Variants in ZCCHC24 observed in about 807,000 individuals in gnomAD.
ZCCHC24 encodes the protein zinc finger CCHC-type containing 24, also known as zinc finger CCHC domain-containing protein 24.
A neutral mutation model predicts 26.2 loss-of-function variants in ZCCHC24; 10 were observed. The ratio of observed to expected loss-of-function variants is 0.38; its 90% CI spans 0.24 to 0.65. ZCCHC24 has a LOEUF of 0.65. ZCCHC24 is among the 30% of genes least tolerant of loss of function. ZCCHC24 has a pLI of 0.54. For synonymous variants in ZCCHC24, 144 were observed against 147.1 expected (o/e 0.98, Z 0.15); for missense variants, 243 against 329.1 (o/e 0.74, Z 2.03).
At chr10:79,432,264 GGAGA>G (rs2132218058) in intron 2 of ZCCHC24, among the ~76,000 whole-genome samples, 2 of 152,372 alleles carry the variant, frequency 1.3e-5, no homozygotes, top group South Asian at 4.1e-4. Flanking sequence ...AAAGACTGGT[GGAGA>G]CCCAAAGGCA....
chr10:79,385,929 G>C lies in ZCCHC24; in HGVS notation c.*416C>G. The C allele has an allele frequency of 2.4e-6, 1 of 412,692 alleles. No individual in the cohort carries two copies. The highest frequency in any genetic ancestry group is 4.3e-6 in the Non-Finnish European group (1 of 232,116). 25.6% of individuals were successfully genotyped at this position (412,692 alleles called of 1,614,324 possible). A position where few individuals can be genotyped will look rare whatever the true frequency, so the allele number is the denominator to read the frequency against. On this transcript the variant is annotated 3_prime_UTR_variant, in exon 4 of 4. Transcript: ENST00000372336. The surrounding 1 kb of genome is among the most constrained non-coding windows in gnomAD (Gnocchi z 4.3). ...CAGGGCAAACCGGAAGGTTCTGGGT[G>C]GGGGCAGGCGGCCTGGCTGGTCTGG...
intron 2 of ZCCHC24, among the ~76,000 whole-genome samples, chr10:79,397,902 C>G (rs1856568641): frequency 6.6e-6 from 1 of 152,130 alleles, no homozygotes; most frequent in African/African-American, 2.4e-5. Context: ...CCCAGAGCCC[C>G]TGCTTCAGAA....
At chr10:79,441,079 A>AACAC (rs55762333) in intron 1 of ZCCHC24, among the ~76,000 whole-genome samples, 21,790 of 135,490 alleles carry the variant, frequency 0.16, 1,747 homozygotes, top group East Asian at 0.2. Context: ...CTGCCCCCTA[A>AACAC]ACACACACAC....
chr10:79,431,983 C>T (rs1273050116), intron 2 of ZCCHC24, among the ~76,000 whole-genome samples: 1 of 152,166 alleles, frequency 6.6e-6, no homozygotes, highest in Non-Finnish European at 1.5e-5. Context: ...TCGATCTGCC[C>T]GACCCTCCCT....
chr10:79,438,454 A>T (rs1857248407), intron 1 of ZCCHC24, among the ~76,000 whole-genome samples: 1 of 152,182 alleles, frequency 6.6e-6, no homozygotes, highest in Non-Finnish European at 1.5e-5. Flanking sequence ...CAATGGGAAA[A>T]CATGGCCACA....
chr10:79,417,042 A>G (rs1856872328), intron 2 of ZCCHC24, among the ~76,000 whole-genome samples: 1 of 152,230 alleles, frequency 6.6e-6, no homozygotes, highest in African/African-American at 2.4e-5. Flanking sequence ...CTGAGCACTC[A>G]CTATGTGCCA....
chr10:79,401,573 G>C (rs1290312207), intron 2 of ZCCHC24, among the ~76,000 whole-genome samples: 1 of 152,220 alleles, frequency 6.6e-6, no homozygotes, highest in Non-Finnish European at 1.5e-5. Flanking sequence ...AGCCGGGATG[G>C]TGAGAAACGG....
Position 79,410,710 on chromosome 10 carries a change from T to G in ZCCHC24, c.448-16270A>C, listed in dbSNP as rs147665454. ...GTCTGCCTGGCATTGTGAGATCTCT[T>G]TGGCTGCTGAGTGGACAGAGGGGTT... On this transcript the variant is annotated intron_variant, in intron 2 of 3. Transcript: ENST00000372336. 7.6e-3 allele frequency among the ~76,000 whole-genome samples: 1,131 copies of G among 149,070 alleles called. 10 individuals are homozygous for G. Among genetic ancestry groups the G allele is most frequent in the Middle Eastern group, 0.021 (6 of 284 alleles).
chr10:79,390,626 G>A (rs888080768), intron 3 of ZCCHC24, among the ~76,000 whole-genome samples: 3 of 152,222 alleles, frequency 2.0e-5, no homozygotes, highest in Admixed American at 6.5e-5. Flanking sequence ...CACTGGGCGA[G>A]GAGCCTGGGG....
At chr10:79,431,470 G>A (rs1857127288) in intron 2 of ZCCHC24, among the ~76,000 whole-genome samples, 1 of 152,140 alleles carries the variant, frequency 6.6e-6, no homozygotes, top group South Asian at 2.1e-4. Context: ...GATCACCTGG[G>A]GACCTTGCTA....
rs1313492885 is a variant in ZCCHC24, at chr10:79,430,654, C to A, written c.447+1904G>T. Among the ~76,000 whole-genome samples the A allele has an allele frequency of 2.1e-5, 3 of 140,630 alleles. No individual in the cohort carries two copies. In the East Asian group the frequency reaches 6.7e-4, roughly 32 times the overall value. The allele number at this position is 140,630 out of a possible 152,430, so 92.3% of individuals were successfully genotyped here. A position where few individuals can be genotyped will look rare whatever the true frequency, so the allele number is the denominator to read the frequency against. On this transcript the variant is annotated intron_variant, in intron 2 of 3. Transcript: ENST00000372336. ...GGCCCTGTCAGGAGAGAGGATGGTG[C>A]ATGCATGTGCACATACACTCACACA...
chr10:79,443,049 C>T (rs1259917956), intron 1 of ZCCHC24, among the ~76,000 whole-genome samples: 2 of 152,162 alleles, frequency 1.3e-5, no homozygotes, highest in Non-Finnish European at 2.9e-5. Context: ...TATAGATATA[C>T]CATCCTGGGG....
intron 2 of ZCCHC24, among the ~76,000 whole-genome samples, chr10:79,422,548 T>A (rs1374387900): frequency 2.0e-5 from 3 of 152,234 alleles, no homozygotes; most frequent in Non-Finnish European, 4.4e-5. Context: ...TGAGACTATT[T>A]ACATCCTGCC....
intron 1 of ZCCHC24, among the ~76,000 whole-genome samples, chr10:79,436,524 G>A (rs1287417022): frequency 2.0e-5 from 3 of 152,202 alleles, no homozygotes; most frequent in Non-Finnish European, 4.4e-5. Flanking sequence ...GGATCATGGC[G>A]CAGCCCCGCC....
chr10:79,424,017 G>GA (rs5786403), intron 2 of ZCCHC24, among the ~76,000 whole-genome samples: 9 of 122,480 alleles, frequency 7.3e-5, no homozygotes, highest in South Asian at 2.7e-4. Context: ...GACTCCGTCT[G>GA]AAAAAAAAAA....
intron 2 of ZCCHC24, among the ~76,000 whole-genome samples, chr10:79,432,296 G>T (rs1212706735): frequency 6.6e-6 from 1 of 152,240 alleles, no homozygotes; most frequent in Non-Finnish European, 1.5e-5. Context: ...TCCTTTGGGG[G>T]CCCAGTTCGG....
chr10:79,420,313 C>T (rs949054169), intron 2 of ZCCHC24, among the ~76,000 whole-genome samples: 4 of 152,184 alleles, frequency 2.6e-5, no homozygotes, highest in African/African-American at 7.2e-5. Context: ...AAAGCACAGC[C>T]TTGTCACCTG....
At chr10:79,436,598 C>T (rs1360146209) in intron 1 of ZCCHC24, among the ~76,000 whole-genome samples, 1 of 152,256 alleles carries the variant, frequency 6.6e-6, no homozygotes, top group East Asian at 1.9e-4. Flanking sequence ...GCCTCCTCAC[C>T]TCTCCCACAA....
intron 1 of ZCCHC24, among the ~76,000 whole-genome samples, chr10:79,439,759 C>T (rs1253668288): frequency 6.7e-6 from 1 of 148,804 alleles, no homozygotes; most frequent in Non-Finnish European, 1.5e-5. Flanking sequence ...TGTGCCACTG[C>T]ACTCCAACCT....
Sources: gnomAD v4.1 joint callset for allele counts (sites outside exome capture counted in the v4.1 genomes callset) on GRCh38, gnomAD v4.1.1 for gene constraint, Gnocchi (gnomAD v3.1) non-coding constraint, MANE v1.5 for transcripts, NCBI Gene and HGNC (gene_info 2026-07-23, HGNC 2026-07-21) for gene names.